CPA6: variants seen among roughly 807,000 people sequenced by gnomAD.
The protein encoded by CPA6 is carboxypeptidase B.
A neutral mutation model predicts 63.3 loss-of-function variants in CPA6; 58 were observed. The ratio of observed to expected loss-of-function variants is 0.92; its 90% CI spans 0.74 to 1.14. The LOEUF (loss-of-function observed/expected upper bound fraction) is 1.14. CPA6 is among the 50% of genes most tolerant of loss of function. The probability of loss-of-function intolerance (pLI) is 0.00; values close to 1 mark genes in which losing one functional copy is unlikely to be tolerated. For synonymous variants in CPA6, 185 were observed against 179.0 expected (o/e 1.03, Z -0.27); for missense variants, 565 against 526.6 (o/e 1.07, Z -0.71).
intron 1 of CPA6, among the ~76,000 whole-genome samples, chr8:67,720,044 G>A (rs189596413): frequency 1.1e-3 from 161 of 152,170 alleles, no homozygotes; most frequent in Middle Eastern, 6.8e-3. Flanking sequence ...GGGGGCAGGT[G>A]GGCTGAGTCC....
At chr8:67,640,639 G>T (rs1815570364) in intron 1 of CPA6, among the ~76,000 whole-genome samples, 1 of 151,356 alleles carries the variant, frequency 6.6e-6, no homozygotes, top group Non-Finnish European at 1.5e-5. Flanking sequence ...GCGCAGGGGT[G>T]CCTGGGTCTC....
chr8:67,437,166 C>T (rs1264560569), intron 8 of CPA6, among the ~76,000 whole-genome samples: 1 of 152,096 alleles, frequency 6.6e-6, no homozygotes, highest in East Asian at 1.9e-4. Flanking sequence ...GAGGACGAGG[C>T]GGGCGGATCA....
intron 1 of CPA6, among the ~76,000 whole-genome samples, chr8:67,742,921 C>G (rs1817939609): frequency 6.6e-6 from 1 of 152,002 alleles, no homozygotes; most frequent in South Asian, 2.1e-4. Context: ...TCTCTTTTAC[C>G]ACTATTTTAA....
intron 2 of CPA6, among the ~76,000 whole-genome samples, chr8:67,585,859 G>C (rs766685588): frequency 6.6e-6 from 1 of 152,058 alleles, no homozygotes; most frequent in Non-Finnish European, 1.5e-5. Flanking sequence ...TTAATGGTAG[G>C]GGGTAAGGCA....
At chr8:67,607,984 A>C (rs1814709895) in intron 2 of CPA6, among the ~76,000 whole-genome samples, 1 of 152,096 alleles carries the variant, frequency 6.6e-6, no homozygotes, top group Non-Finnish European at 1.5e-5. Context: ...TCCTCTATGG[A>C]GTGATTTGAG....
At chr8:67,614,794 T>G (rs1814902671) in intron 2 of CPA6, among the ~76,000 whole-genome samples, 1 of 152,196 alleles carries the variant, frequency 6.6e-6, no homozygotes. Flanking sequence ...CTTTGGAACA[T>G]GAGCTCCCCT....
chr8:67,638,416 A>T (rs1239248077), intron 1 of CPA6, among the ~76,000 whole-genome samples: 2 of 151,466 alleles, frequency 1.3e-5, no homozygotes, highest in East Asian at 3.8e-4. Flanking sequence ...AAACCTAGTA[A>T]AATTTAAATT....
chr8:67,676,770 CCATT>C (rs1053125273), intron 1 of CPA6, among the ~76,000 whole-genome samples: 22 of 152,082 alleles, frequency 1.4e-4, no homozygotes, highest in African/African-American at 4.8e-4. Context: ...ATTATAACCC[CCATT>C]CATTTATAAA....
At chr8:67,494,431 T>G (rs553009016) in intron 6 of CPA6, among the ~76,000 whole-genome samples, 2 of 152,230 alleles carry the variant, frequency 1.3e-5, no homozygotes, top group Admixed American at 1.3e-4. Context: ...ATCCCAGCGA[T>G]GTAGAATTAT....
chr8:67,477,257 T>C (rs7014478), intron 8 of CPA6, among the ~76,000 whole-genome samples: 53,094 of 131,782 alleles, frequency 0.4, 10,223 homozygotes, highest in Middle Eastern at 0.57. Flanking sequence ...ACCACTGCAC[T>C]CCAGCCTGGG....
Position 67,560,160 on chromosome 8 carries a change from G to GATATATATATATATATATATAT in CPA6, c.193-42114_193-42113insATATATATATATATATATATAT, listed in dbSNP as rs6150633. On this transcript the variant is annotated intron_variant, in intron 2 of 10. Coordinates refer to ENST00000297770, the MANE Select transcript of CPA6 (RefSeq NM_020361.5). The stretch of plus-strand genomic sequence containing the variant: ...GGTATCACATCTTCTTGTATTTCCG[G>GATATATATATATATATATATAT]ATATATATATATATATATTCCAGAT... Among the ~76,000 whole-genome samples the GATATATATATATATATATATAT allele has an allele frequency of 3.5e-3, 483 of 139,916 alleles. 9 individuals are homozygous for GATATATATATATATATATATAT. The highest frequency in any genetic ancestry group is 8.3e-3 in the African/African-American group (302 of 36,362). 91.8% of individuals were successfully genotyped at this position (139,916 alleles called of 152,430 possible).
intron 2 of CPA6, among the ~76,000 whole-genome samples, chr8:67,547,235 A>G (rs1365888610): frequency 6.6e-6 from 1 of 152,038 alleles, no homozygotes; most frequent in Non-Finnish European, 1.5e-5. Context: ...TTTAGTAGAT[A>G]CAGGGTTTCA....
At chr8:67,729,419 A>G (rs1028054999) in intron 1 of CPA6, among the ~76,000 whole-genome samples, 1 of 152,210 alleles carries the variant, frequency 6.6e-6, no homozygotes, top group African/African-American at 2.4e-5. Flanking sequence ...TATACTGGCA[A>G]CTTATTGTGA....
chr8:67,741,818 C>T (rs762493808), intron 1 of CPA6, among the ~76,000 whole-genome samples: 9 of 151,930 alleles, frequency 5.9e-5, no homozygotes, highest in African/African-American at 1.2e-4. Flanking sequence ...CATATTATAA[C>T]GTAATAACAA....
rs569173143 is a variant in CPA6, at chr8:67,519,265, C to T, written c.193-1218G>A. Among the ~76,000 whole-genome samples the T allele has an allele frequency of 5.3e-5, 8 of 152,296 alleles. No homozygotes were observed. The South Asian group carries it at 8.3e-4, about 16-fold the overall frequency. On this transcript the variant is annotated intron_variant, in intron 2 of 10. Coordinates refer to ENST00000297770, the MANE Select transcript of CPA6 (RefSeq NM_020361.5). ...CACAATGGAACGCAGATGGAAGGGA[C>T]GAGAGCCCTATCTCTGCAGGAGTTT...
chr8:67,577,598 A>G (rs1220456005), intron 2 of CPA6, among the ~76,000 whole-genome samples: 1 of 152,214 alleles, frequency 6.6e-6, no homozygotes, highest in African/African-American at 2.4e-5. Context: ...CAGGATCCAA[A>G]AAGGTAATAA....
At chr8:67,522,342 A>C (rs898013654) in intron 2 of CPA6, among the ~76,000 whole-genome samples, 2 of 151,944 alleles carry the variant, frequency 1.3e-5, no homozygotes, top group African/African-American at 4.8e-5. Flanking sequence ...GGCTCAATAA[A>C]ATTTTTCTCT....
chr8:67,740,260 A>G (rs1817887608), intron 1 of CPA6, among the ~76,000 whole-genome samples: 1 of 152,190 alleles, frequency 6.6e-6, no homozygotes. Context: ...ATCTGAAAAG[A>G]GCCTTAACTA....
At chr8:67,725,508 T>C (rs1460846733) in intron 1 of CPA6, among the ~76,000 whole-genome samples, 2 of 152,200 alleles carry the variant, frequency 1.3e-5, no homozygotes, top group African/African-American at 2.4e-5. Context: ...CATTGTTACT[T>C]AATGTACCAG....
Sources: gnomAD v4.1 joint callset for allele counts (sites outside exome capture counted in the v4.1 genomes callset) on GRCh38, gnomAD v4.1.1 for gene constraint, MANE v1.5 for transcripts, NCBI Gene and HGNC (gene_info 2026-07-23, HGNC 2026-07-21) for gene names.